The following SEMA6D variants were observed in gnomAD, a reference collection of about 807,000 sequenced individuals.
SEMA6D encodes semaphorin 6D.
In SEMA6D, 35 loss-of-function variants were observed where a neutral mutation model predicts 106.6. The ratio of observed to expected loss-of-function variants is 0.33; its 90% CI spans 0.25 to 0.44. The LOEUF (loss-of-function observed/expected upper bound fraction) is 0.44. SEMA6D is among the 20% of genes least tolerant of loss of function. The pLI is 1.00. For missense variants in SEMA6D, 1,185 were observed against 1,345.9 expected (o/e 0.88, Z 1.87); for synonymous variants, 499 against 487.7 (o/e 1.02, Z -0.31).
intron 2 of SEMA6D, among the ~76,000 whole-genome samples, chr15:47,434,517 T>G (rs2041641113): frequency 2.0e-5 from 3 of 152,110 alleles, no homozygotes; most frequent in Admixed American, 2.0e-4. Flanking sequence ...GCTGTTTTCC[T>G]TATTTTGGAA....
upstream of SEMA6D, among the ~76,000 whole-genome samples, chr15:47,713,304 G>C (rs546239881): frequency 6.6e-6 from 1 of 152,094 alleles, no homozygotes; most frequent in South Asian, 2.1e-4. Context: ...CATAAGCACT[G>C]CTGTGGTGGT....
intron 1 of SEMA6D, among the ~76,000 whole-genome samples, chr15:47,292,159 A>G (rs937014477): frequency 3.3e-5 from 5 of 152,262 alleles, no homozygotes; most frequent in South Asian, 2.1e-4. Flanking sequence ...AACATTGAAT[A>G]TTGATTGAAA....
chr15:47,230,905 T>A (rs1039464793), intron 1 of SEMA6D, among the ~76,000 whole-genome samples: 2 of 152,042 alleles, frequency 1.3e-5, no homozygotes, highest in African/African-American at 4.8e-5. Flanking sequence ...ATGATCACAC[T>A]GCTGAAATGA....
intron 1 of SEMA6D, among the ~76,000 whole-genome samples, chr15:47,225,664 G>T (rs2031599575): frequency 6.6e-6 from 1 of 151,338 alleles, no homozygotes; most frequent in Non-Finnish European, 1.5e-5. Context: ...AAGTGTCTGG[G>T]ATTATAGGCC....
At chr15:47,246,646 G>A (rs965690081) in intron 1 of SEMA6D, among the ~76,000 whole-genome samples, 4 of 152,076 alleles carry the variant, frequency 2.6e-5, no homozygotes, top group African/African-American at 7.3e-5. Context: ...CCATCATTGC[G>A]TCTCTTTCTC....
intron 2 of SEMA6D, among the ~76,000 whole-genome samples, chr15:47,444,931 G>A (rs1482154105): frequency 6.6e-6 from 1 of 152,118 alleles, no homozygotes; most frequent in Non-Finnish European, 1.5e-5. Flanking sequence ...ACACGGACTT[G>A]AAGGATGAAT....
At chr15:47,750,335 A>G (rs994438972) in intron 1 of SEMA6D, among the ~76,000 whole-genome samples, 1 of 152,194 alleles carries the variant, frequency 6.6e-6, no homozygotes, top group South Asian at 2.1e-4. Context: ...ATGGATTCTT[A>G]GAGAAAAAAC....
intron 1 of SEMA6D, among the ~76,000 whole-genome samples, chr15:47,753,819 G>A (rs2081575489): frequency 6.6e-6 from 1 of 152,136 alleles, no homozygotes; most frequent in Non-Finnish European, 1.5e-5. Context: ...GAAACTAAAA[G>A]GAACCAACTC....
chr15:47,665,358 A>G (rs2078005798), intron 4 of SEMA6D, among the ~76,000 whole-genome samples: 1 of 151,138 alleles, frequency 6.6e-6, no homozygotes, highest in Non-Finnish European at 1.5e-5. Flanking sequence ...ATCTTTATTT[A>G]TGCTTTTGTC....
intron 4 of SEMA6D, among the ~76,000 whole-genome samples, chr15:47,684,045 C>G (rs558956401): frequency 4.6e-5 from 7 of 152,244 alleles, no homozygotes; most frequent in African/African-American, 1.7e-4. Context: ...ATGGCAGACT[C>G]AAAGGTCTTC....
Position 47,541,715 on chromosome 15 carries a change from T to C in SEMA6D, c.-86-59150T>C, listed in dbSNP as rs902729377. ...ATAGCCCAGCTGTGCTTTTCATATA[T>C]GCACCTAACTTATTTCAAGGGTGTT... On this transcript the variant is annotated intron_variant, in intron 3 of 19. Transcript: ENST00000558014. 9.2e-5 allele frequency among the ~76,000 whole-genome samples: 14 copies of C among 152,334 alleles called. No individual in the cohort carries two copies. The South Asian group carries it at 1.9e-3, about 20-fold the overall frequency.
intron 3 of SEMA6D, among the ~76,000 whole-genome samples, chr15:47,544,942 T>A (rs1313624504): frequency 6.6e-6 from 1 of 152,106 alleles, no homozygotes; most frequent in Non-Finnish European, 1.5e-5. Flanking sequence ...CTTTTAGAGA[T>A]AACTATATGA....
chr15:47,252,448 T>G (rs1052550606), intron 1 of SEMA6D, among the ~76,000 whole-genome samples: 1 of 152,126 alleles, frequency 6.6e-6, no homozygotes, highest in Non-Finnish European at 1.5e-5. Context: ...CACAACACAC[T>G]GTTATGAGCT....
chr15:47,316,033 T>G (rs1204029969), intron 1 of SEMA6D, among the ~76,000 whole-genome samples: 1 of 151,374 alleles, frequency 6.6e-6, no homozygotes, highest in Non-Finnish European at 1.5e-5. Flanking sequence ...TTTCTACATA[T>G]ATGATCATGG....
At chr15:47,330,087 G>A (rs968422841) in intron 1 of SEMA6D, among the ~76,000 whole-genome samples, 2 of 152,100 alleles carry the variant, frequency 1.3e-5, no homozygotes, top group Non-Finnish European at 2.9e-5. Flanking sequence ...CCCACCTGGG[G>A]ATCCATCTCT....
intron 3 of SEMA6D, among the ~76,000 whole-genome samples, chr15:47,505,054 G>C (rs2043994824): frequency 6.6e-6 from 1 of 152,104 alleles, no homozygotes; most frequent in African/African-American, 2.4e-5. Context: ...GCTCAGTGTG[G>C]CTGTTTGCGG....
intron 2 of SEMA6D, among the ~76,000 whole-genome samples, chr15:47,433,102 T>A (rs1265707054): frequency 6.6e-6 from 1 of 152,060 alleles, no homozygotes; most frequent in African/African-American, 2.4e-5. Context: ...TTCCTCCTTA[T>A]AAGCTGTCTA....
At chr15:47,443,756 C>A (rs1172921454) in intron 2 of SEMA6D, among the ~76,000 whole-genome samples, 2 of 152,080 alleles carry the variant, frequency 1.3e-5, no homozygotes, top group Non-Finnish European at 2.9e-5. Flanking sequence ...CATCAATATA[C>A]AGTTACCAAA....
At chr15:47,452,534 A>G (rs2140943606) in intron 2 of SEMA6D, among the ~76,000 whole-genome samples, 2 of 152,132 alleles carry the variant, frequency 1.3e-5, no homozygotes, top group Admixed American at 1.3e-4. Context: ...TGTAGTGTGT[A>G]CATAGCATAA....
Sources: gnomAD v4.1 joint callset for allele counts (sites outside exome capture counted in the v4.1 genomes callset) on GRCh38, gnomAD v4.1.1 for gene constraint, MANE v1.5 for transcripts, NCBI Gene and HGNC (gene_info 2026-07-23, HGNC 2026-07-21) for gene names.